CSMD3: variants seen among roughly 807,000 people sequenced by gnomAD.
CSMD3 encodes CUB and sushi domain-containing protein 3.
A neutral mutation model predicts 435.2 loss-of-function variants in CSMD3; 177 were observed. That is an observed-to-expected ratio of 0.41 (90% CI 0.36 to 0.46). CSMD3 has a LOEUF of 0.46. Ranked by LOEUF, CSMD3 falls within the 20% of genes least tolerant of loss-of-function variation. CSMD3 has a pLI of 0.34. For missense variants in CSMD3, 4,265 were observed against 4,504.6 expected (o/e 0.95, Z 1.52); for synonymous variants, 1,656 against 1,520.5 (o/e 1.09, Z -2.07).
intron 13 of CSMD3, among the ~76,000 whole-genome samples, chr8:112,762,330 C>T (rs929311012): frequency 2.0e-5 from 3 of 151,914 alleles, no homozygotes; most frequent in African/African-American, 7.2e-5. Flanking sequence ...TAAAGGATAT[C>T]GGATTAGATG....
chr8:112,735,045 A>G (rs1400030616), intron 13 of CSMD3, among the ~76,000 whole-genome samples: 1 of 152,060 alleles, frequency 6.6e-6, no homozygotes, highest in African/African-American at 2.4e-5. Flanking sequence ...AGCAGAGAAC[A>G]TGAATTTAAA....
chr8:113,001,199 A>G (rs1415671976), intron 6 of CSMD3, among the ~76,000 whole-genome samples: 2 of 152,048 alleles, frequency 1.3e-5, no homozygotes, highest in Admixed American at 6.6e-5. Context: ...TATATTTTCC[A>G]GAAATGAAAA....
Position 112,552,574 on chromosome 8 carries a change from A to G in CSMD3, c.4361+20T>C, listed in dbSNP as rs1375903898. 6 of 1,608,564 alleles carry G rather than the reference A, an allele frequency of 3.7e-6. No individual in the cohort carries two copies. Among genetic ancestry groups the G allele is most frequent in the African/African-American group, 1.3e-5 (1 of 74,886 alleles). On this transcript the variant is annotated intron_variant, in intron 26 of 70. Transcript: ENST00000297405. Reference sequence around the variant, plus strand: ...CACTTCAGATTCCCTAGTAATGTTGAGAAAATGAAATTCATTTACCTGACA... The same window carrying G: ...CACTTCAGATTCCCTAGTAATGTTGGGAAAATGAAATTCATTTACCTGACA...
rs1401181756 is a variant in CSMD3 at position 113,010,049 on chromosome 8, TAG to T, written c.1030+9016_1030+9017del. Among the ~76,000 whole-genome samples the T allele has an allele frequency of 1.4e-4, 22 of 151,812 alleles. No individual in the cohort carries two copies. The East Asian group carries it at 3.9e-3, about 27-fold the overall frequency. On this transcript the variant is annotated intron_variant, in intron 6 of 70. Transcript: ENST00000297405. ...AATTTTTATTATAATATCTATTATA[TAG>T]ATACTTGTAATTAAGTGGTTGTTTT... is the stretch of plus-strand genomic sequence containing the variant.
rs193183997 is a variant in CSMD3 at position 112,469,590 on chromosome 8, A to G, written c.5395+3001T>C. ...CATCAGGCATTAGTTAGGTTCTGAT[A>G]AGGAGCGCACAACCTAGATCCCTCA... On this transcript the variant is annotated intron_variant, in intron 32 of 70. Coordinates refer to ENST00000297405, the MANE Select transcript of CSMD3 (RefSeq NM_198123.2). 2.0e-5 allele frequency among the ~76,000 whole-genome samples: 3 copies of G among 152,232 alleles called. No homozygotes were observed. The East Asian group carries it at 5.8e-4, about 30-fold the overall frequency.
chr8:113,209,551 T>A (rs1266223447), intron 3 of CSMD3, among the ~76,000 whole-genome samples: 1 of 152,098 alleles, frequency 6.6e-6, no homozygotes, highest in African/African-American at 2.4e-5. Context: ...GTCTAAAAAA[T>A]AAATGTAACA....
Position 113,376,957 on chromosome 8 carries a change from A to C in CSMD3, c.178+59720T>G, listed in dbSNP as rs2094388155. 6 of 1,527,190 alleles carry C rather than the reference A, an allele frequency of 3.9e-6. 1 individual carries two copies. Among genetic ancestry groups the C allele is most frequent in the Admixed American group, 3.5e-5 (2 of 57,522 alleles). 94.6% of individuals were successfully genotyped at this position (1,527,190 alleles called of 1,614,324 possible). A position where few individuals can be genotyped will look rare whatever the true frequency, so the allele number is the denominator to read the frequency against. On this transcript the variant is annotated intron_variant, in intron 1 of 70. Transcript: ENST00000297405. ...TGACGTGCGGGTTCAGGAGGTGCCC[A>C]AACTAAAGGTGTGTGCGCTGCGCAT... is the stretch of plus-strand genomic sequence containing the variant.
intron 24 of CSMD3, among the ~76,000 whole-genome samples, chr8:112,566,649 A>T (rs566493345): frequency 9.9e-5 from 15 of 152,114 alleles, no homozygotes; most frequent in Admixed American, 2.0e-4. Flanking sequence ...GGACACTTAC[A>T]TGGGTGAATG....
intron 2 of CSMD3, among the ~76,000 whole-genome samples, chr8:113,300,361 C>A (rs769361382): frequency 6.6e-6 from 1 of 152,036 alleles, no homozygotes; most frequent in Non-Finnish European, 1.5e-5. Flanking sequence ...TATAAAAAAT[C>A]ATTCTATAAA....
chr8:112,580,723 C>T (rs1161496877), intron 23 of CSMD3, among the ~76,000 whole-genome samples: 1 of 151,984 alleles, frequency 6.6e-6, no homozygotes, highest in Non-Finnish European at 1.5e-5. Flanking sequence ...AACTAGGATC[C>T]AGCAGTGGAT....
intron 3 of CSMD3, among the ~76,000 whole-genome samples, chr8:113,194,408 G>T (rs1226606940): frequency 6.6e-6 from 1 of 151,256 alleles, no homozygotes; most frequent in Non-Finnish European, 1.5e-5. Context: ...AGAAAGGAAT[G>T]AATAGCTAGA....
intron 37 of CSMD3, among the ~76,000 whole-genome samples, chr8:112,382,480 T>C (rs999591390): frequency 6.6e-6 from 1 of 152,112 alleles, no homozygotes; most frequent in African/African-American, 2.4e-5. Context: ...GATAAGTAAT[T>C]GGTTCCACAA....
At chr8:113,189,086 T>G (rs72687618) in intron 3 of CSMD3, among the ~76,000 whole-genome samples, 1 of 151,912 alleles carries the variant, frequency 6.6e-6, no homozygotes, top group Non-Finnish European at 1.5e-5. Context: ...ATGGCAAAGG[T>G]TTCCCAACGA....
chr8:112,636,718 G>T, intron 22 of CSMD3, 99 bp downstream of exon 22: 2 of 1,030,678 alleles, frequency 1.9e-6, no homozygotes, highest in Non-Finnish European at 3.0e-6. Context: ...TGAAATAAAT[G>T]CAGAAATTCA....
chr8:112,870,796 T>C (rs1404681394), intron 10 of CSMD3, among the ~76,000 whole-genome samples: 3 of 152,034 alleles, frequency 2.0e-5, no homozygotes, highest in African/African-American at 7.2e-5. Context: ...ATCAAAGTCG[T>C]TGCCCTAGAG....
intron 37 of CSMD3, 92 bp downstream of exon 37, chr8:112,383,475 A>G (rs1052586065): frequency 7.0e-5 from 52 of 744,506 alleles, no homozygotes; most frequent in Non-Finnish European, 1.1e-4. Context: ...AGCAAATTAA[A>G]ACTACCAAGT....
intron 31 of CSMD3, among the ~76,000 whole-genome samples, chr8:112,474,037 A>G (rs1818798433): frequency 6.6e-6 from 1 of 152,116 alleles, no homozygotes; most frequent in African/African-American, 2.4e-5. Context: ...AGGACAGAGT[A>G]CAATTTATTA....
intron 13 of CSMD3, among the ~76,000 whole-genome samples, chr8:112,792,875 T>C (rs908994867): frequency 6.6e-6 from 1 of 151,962 alleles, no homozygotes; most frequent in Non-Finnish European, 1.5e-5. Context: ...GAACTATTCA[T>C]AACAAAAATC....
intron 2 of CSMD3, among the ~76,000 whole-genome samples, chr8:113,293,325 A>G (rs141423720): frequency 5.3e-4 from 81 of 152,010 alleles, no homozygotes; most frequent in African/African-American, 1.9e-3. Flanking sequence ...TTTGGAGATT[A>G]GAAACTGAGA....
Sources: gnomAD v4.1 joint callset for allele counts (sites outside exome capture counted in the v4.1 genomes callset) on GRCh38, gnomAD v4.1.1 for gene constraint, MANE v1.5 for transcripts, NCBI Gene and HGNC (gene_info 2026-07-23, HGNC 2026-07-21) for gene names.